Variants in LINGO2 observed in about 807,000 individuals in gnomAD.
LINGO2 encodes the protein leucine-rich repeat and immunoglobulin-like domain-containing nogo receptor-interacting protein 2.
LINGO2 carries 14 observed loss-of-function variants against 30.6 expected under a neutral mutation model. The ratio of observed to expected loss-of-function variants is 0.46; its 90% confidence interval spans 0.30 to 0.72. The LOEUF (loss-of-function observed/expected upper bound fraction) is 0.72. Ranked by LOEUF, LINGO2 falls within the 30% of genes least tolerant of loss-of-function variation. LINGO2 has a pLI of 0.07. For missense variants in LINGO2, 729 were observed against 751.7 expected, an observed-to-expected ratio of 0.97 and a Z score of 0.35; for synonymous variants, 317 against 288.5, an observed-to-expected ratio of 1.10 and a Z score of -1.00.
intron 3 of LINGO2, among the ~76,000 whole-genome samples, chr9:28,371,389 C>T (rs1316746445): frequency 6.6e-6 from 1 of 152,170 alleles, no homozygotes; most frequent in African/African-American, 2.4e-5. Context: ...GATCAAGGTA[C>T]AGGCAGGAGT....
At chr9:28,109,431 A>G (rs1049673645) in intron 4 of LINGO2, among the ~76,000 whole-genome samples, 2 of 152,174 alleles carry the variant, frequency 1.3e-5, no homozygotes, top group Admixed American at 6.5e-5. Context: ...TGGGTATTCA[A>G]ATAGGAAGAG....
At chr9:27,961,865 G>C (rs1819865542) in intron 5 of LINGO2, among the ~76,000 whole-genome samples, 1 of 152,136 alleles carries the variant, frequency 6.6e-6, no homozygotes, top group Admixed American at 6.6e-5. Context: ...GCTGTGGAGG[G>C]TGTATGAGAG....
intron 1 of LINGO2, among the ~76,000 whole-genome samples, chr9:28,612,964 T>A: frequency 6.6e-6 from 1 of 152,054 alleles, no homozygotes; most frequent in East Asian, 1.9e-4. Context: ...CATGGGGTGG[T>A]TTCCCCTATG....
At chr9:28,341,249 C>T (rs563061670) in intron 3 of LINGO2, among the ~76,000 whole-genome samples, 1 of 151,974 alleles carries the variant, frequency 6.6e-6, no homozygotes, top group African/African-American at 2.4e-5. Flanking sequence ...TTAATATATG[C>T]TGACAACAGT....
intron 3 of LINGO2, among the ~76,000 whole-genome samples, chr9:28,366,116 C>A (rs1291386402): frequency 6.6e-6 from 1 of 152,134 alleles, no homozygotes; most frequent in Non-Finnish European, 1.5e-5. Flanking sequence ...ACAGTCGGAG[C>A]CTGTTCCTTT....
At chr9:27,956,241 C>A (rs142886997) in intron 5 of LINGO2, among the ~76,000 whole-genome samples, 2 of 152,094 alleles carry the variant, frequency 1.3e-5, no homozygotes, top group African/African-American at 4.8e-5. Context: ...TGCGCCTGGC[C>A]GACTGTCTTT....
intron 3 of LINGO2, 85 bp downstream of exon 5, chr9:28,372,751 A>G (rs1322121073): frequency 6.6e-6 from 1 of 152,610 alleles, no homozygotes; most frequent in African/African-American, 2.4e-5. Context: ...CATTGCAGTC[A>G]TAAACTATAA....
chr9:29,047,133 A>G, the LINGO2 span, among the ~76,000 whole-genome samples: 3 of 151,972 alleles, frequency 2.0e-5, no homozygotes, highest in Non-Finnish European at 2.9e-5. Context: ...TGAAAATATT[A>G]GCAACCTATG....
intron 4 of LINGO2, among the ~76,000 whole-genome samples, chr9:28,071,410 G>T (rs192104876): frequency 1.1e-4 from 17 of 151,940 alleles, no homozygotes; most frequent in African/African-American, 3.9e-4. Flanking sequence ...TCTACTGTTG[G>T]TACCTTTTCA....
At chr9:28,124,118 C>A (rs1198383628) in intron 4 of LINGO2, among the ~76,000 whole-genome samples, 1 of 152,166 alleles carries the variant, frequency 6.6e-6, no homozygotes, top group Non-Finnish European at 1.5e-5. Context: ...CAAGGAGTGG[C>A]TTTAAAGACA....
chr9:28,714,231 ATATC>A, the LINGO2 span, among the ~76,000 whole-genome samples: 1 of 150,140 alleles, frequency 6.7e-6, no homozygotes, highest in Non-Finnish European at 1.5e-5. Context: ...ACATATATAT[ATATC>A]TCTCTCCACT....
At chr9:28,499,919 A>G (rs1819818049) in intron 1 of LINGO2, among the ~76,000 whole-genome samples, 1 of 152,188 alleles carries the variant, frequency 6.6e-6, no homozygotes, top group Admixed American at 6.5e-5. Context: ...CCACAAAAAA[A>G]TGTATGTCAC....
intron 2 of LINGO2, among the ~76,000 whole-genome samples, chr9:28,431,153 T>C (rs1306319863): frequency 1.3e-5 from 2 of 152,162 alleles, no homozygotes; most frequent in Non-Finnish European, 2.9e-5. Context: ...CTTCTATTCA[T>C]TGAAAGCAGT....
At chr9:28,512,798 G>C (rs902748711) in intron 1 of LINGO2, among the ~76,000 whole-genome samples, 1 of 151,090 alleles carries the variant, frequency 6.6e-6, no homozygotes, top group Non-Finnish European at 1.5e-5. Context: ...CAAAACTGAA[G>C]AACTTGGAGT....
chr9:28,401,369 G>T (rs1293949178), intron 2 of LINGO2, among the ~76,000 whole-genome samples: 1 of 151,690 alleles, frequency 6.6e-6, no homozygotes, highest in African/African-American at 2.4e-5. Context: ...TCCCACTTAT[G>T]AGTGAGAACA....
intron 4 of LINGO2, among the ~76,000 whole-genome samples, chr9:28,265,613 T>G (rs1326976013): frequency 6.6e-6 from 1 of 151,984 alleles, no homozygotes; most frequent in Non-Finnish European, 1.5e-5. Flanking sequence ...ACATGCAACT[T>G]CTCAAATGGA....
At chr9:29,159,560 T>C in the LINGO2 span, among the ~76,000 whole-genome samples, 12 of 152,284 alleles carry the variant, frequency 7.9e-5, no homozygotes, top group African/African-American at 2.4e-4. Flanking sequence ...AGTAACATTT[T>C]AAGAGTACTT....
chr9:28,121,049 A>T (rs1827080766), intron 4 of LINGO2, among the ~76,000 whole-genome samples: 1 of 152,190 alleles, frequency 6.6e-6, no homozygotes, highest in Non-Finnish European at 1.5e-5. Flanking sequence ...TGTTTCCCTC[A>T]AAATTATATT....
the LINGO2 span, among the ~76,000 whole-genome samples, chr9:29,126,877 A>G: frequency 2.0e-5 from 3 of 152,104 alleles, no homozygotes; most frequent in Non-Finnish European, 2.9e-5. Flanking sequence ...ACGCCCAAGT[A>G]ACAAAATGAT....
Sources: allele counts gnomAD v4.1 joint callset (sites outside exome capture counted in the v4.1 genomes callset), GRCh38; gene constraint gnomAD v4.1.1; transcripts MANE v1.5; gene names NCBI Gene and HGNC (gene_info 2026-07-23, HGNC 2026-07-21).